The following RALGAPA1 variants were observed in gnomAD, a reference collection of about 807,000 sequenced individuals.
RALGAPA1 encodes the protein ral GTPase-activating protein subunit alpha-1.
In RALGAPA1, 52 loss-of-function variants were observed where a neutral mutation model predicts 269.6. That is an observed-to-expected ratio of 0.19 (90% CI 0.15 to 0.24). RALGAPA1 has a LOEUF of 0.24. Among genes scored for constraint, RALGAPA1 ranks in the 10% least tolerant of loss-of-function variants. The probability of loss-of-function intolerance (pLI) is 1.00; values close to 1 mark genes in which losing one functional copy is unlikely to be tolerated. For missense variants in RALGAPA1, 1,917 were observed against 3,013.9 expected, an observed-to-expected ratio of 0.64 and a Z score of 8.52; for synonymous variants, 817 against 1,008.3, an observed-to-expected ratio of 0.81 and a Z score of 3.60.
At chr14:35,715,620 G>T in intron 16 of RALGAPA1, 1 of 553,790 alleles carries the variant, frequency 1.8e-6, no homozygotes, top group Non-Finnish European at 2.3e-6. Flanking sequence ...ATTCTAATCT[G>T]TGGAATTTCT....
intron 17 of RALGAPA1, among the ~76,000 whole-genome samples, chr14:35,697,940 A>G (rs571598179): frequency 3.3e-5 from 5 of 152,348 alleles, no homozygotes; most frequent in Admixed American, 2.6e-4. Context: ...CAAGCATAAA[A>G]AACTGGCAGT....
Position 35,689,806 on chromosome 14 carries a change from G to A in RALGAPA1, c.2605C>T (p.Arg869Cys), listed in dbSNP as rs202185143. The change falls in exon 18 of 42, where the codon CGT (arginine) becomes TGT (cysteine). Residue 869 changes from arginine (R) to cysteine (C), a missense_variant. Arg to Cys is a radical substitution (Grantham distance 180, BLOSUM62 -3). This residue lies in a region of RALGAPA1 where 615 missense variants were observed against 790.0 expected (regional missense o/e 0.78). Coordinates refer to ENST00000680220, the MANE Select transcript of RALGAPA1 (RefSeq NM_001346249.2). The part of the protein sequence containing the change: ...GAVPVIDSSS[R>C]HAPSLQSSTE... ...GAACTCTGCAAGCTTGGTGCATGAC[G>A]GGATGAACTGTCAATGACAGGAACT... 2.4e-5 allele frequency: 37 copies of A among 1,566,560 alleles called. No homozygotes were observed. The Admixed American group carries it at 4.6e-4, about 19-fold the overall frequency.
rs7142261 is a variant in RALGAPA1 at position 35,775,609 on chromosome 14, C to A, written c.217+26G>T. On this transcript the variant is annotated intron_variant, in intron 2 of 41. Coordinates refer to ENST00000680220, the MANE Select transcript of RALGAPA1 (RefSeq NM_001346249.2). ...GACAATTATTAGAAATATTAACATA[C>A]GCCAAGATATATGTTAGCATCTTAC... 0.23 allele frequency: 348,549 copies of A among 1,542,844 alleles called. 52,765 individuals carry two copies. The highest frequency in any genetic ancestry group is 0.67 in the African/African-American group (47,040 of 69,752).
chr14:35,556,851 G>A (rs111897279), intron 39 of RALGAPA1, among the ~76,000 whole-genome samples: 39 of 152,262 alleles, frequency 2.6e-4, no homozygotes, highest in African/African-American at 8.9e-4. Flanking sequence ...GAAAGCTGGA[G>A]TTGAATAAAA....
intron 27 of RALGAPA1, among the ~76,000 whole-genome samples, chr14:35,661,010 C>T (rs1219882854): frequency 1.3e-5 from 2 of 152,086 alleles, no homozygotes; most frequent in African/African-American, 2.4e-5. Context: ...GTTTCAAATA[C>T]GCAGGATGAC....
intron 35 of RALGAPA1, among the ~76,000 whole-genome samples, chr14:35,619,411 C>A (rs969143789): frequency 1.3e-5 from 2 of 151,870 alleles, no homozygotes; most frequent in Non-Finnish European, 2.9e-5. Flanking sequence ...GATCTAAAAT[C>A]GACACCCTAA....
chr14:35,630,515 C>A (rs928396514), intron 33 of RALGAPA1, among the ~76,000 whole-genome samples: 5 of 152,226 alleles, frequency 3.3e-5, no homozygotes, highest in African/African-American at 1.2e-4. Flanking sequence ...CTCTTGACCC[C>A]AAGTGATCCA....
chr14:35,673,125 C>A, intron 24 of RALGAPA1, 103 bp from the exon 25 acceptor site: 1 of 1,170,384 alleles, frequency 8.5e-7, no homozygotes, highest in Non-Finnish European at 1.1e-6. Context: ...TCATTTATTT[C>A]CATGTTGGCC....
intron 21 of RALGAPA1, among the ~76,000 whole-genome samples, chr14:35,682,882 T>A (rs1380925945): frequency 6.6e-6 from 1 of 152,100 alleles, no homozygotes; most frequent in Non-Finnish European, 1.5e-5. Flanking sequence ...GTTCTTGCCA[T>A]CTGGGAAAAA....
intron 17 of RALGAPA1, among the ~76,000 whole-genome samples, chr14:35,697,239 T>C (rs2066974440): frequency 6.6e-6 from 1 of 152,240 alleles, no homozygotes; most frequent in Admixed American, 6.5e-5. Flanking sequence ...TGGTTCTCTC[T>C]GGAACCTTAA....
At chr14:35,793,254 T>TG (rs2076322255) in intron 1 of RALGAPA1, among the ~76,000 whole-genome samples, 1 of 151,698 alleles carries the variant, frequency 6.6e-6, no homozygotes. Flanking sequence ...TTTTTTTTTT[T>TG]GAGACGGAAT....
At chr14:35,785,950 T>G (rs972462746) in intron 1 of RALGAPA1, among the ~76,000 whole-genome samples, 1 of 151,770 alleles carries the variant, frequency 6.6e-6, no homozygotes, top group Non-Finnish European at 1.5e-5. Flanking sequence ...CTGAGGTGGG[T>G]GGATCACTTG....
At chr14:35,695,091 C>T (rs10149975) in intron 17 of RALGAPA1, among the ~76,000 whole-genome samples, 12,852 of 151,472 alleles carry the variant, frequency 0.085, 860 homozygotes, top group East Asian at 0.37. Context: ...AAAAAATTAA[C>T]GTAAATTATT....
At chr14:35,589,582 T>C (rs2058512810) in intron 37 of RALGAPA1, among the ~76,000 whole-genome samples, 1 of 152,182 alleles carries the variant, frequency 6.6e-6, no homozygotes, top group Non-Finnish European at 1.5e-5. Flanking sequence ...GAAATATACT[T>C]AAAACAGTCA....
intron 17 of RALGAPA1, among the ~76,000 whole-genome samples, chr14:35,697,959 C>T (rs893741274): frequency 2.0e-5 from 3 of 152,156 alleles, no homozygotes; most frequent in Non-Finnish European, 4.4e-5. Context: ...GTAAAAGCAT[C>T]TGAAGTTGTC....
At chr14:35,765,873 A>G in intron 4 of RALGAPA1, 1 of 796,354 alleles carries the variant, frequency 1.3e-6, no homozygotes, top group Non-Finnish European at 2.1e-6. Flanking sequence ...TGGATTAGGG[A>G]GCTCTACTAA....
chr14:35,758,179 G>T (rs559352298), intron 6 of RALGAPA1, among the ~76,000 whole-genome samples: 168 of 147,458 alleles, frequency 1.1e-3, no homozygotes, highest in Non-Finnish European at 1.8e-3. Flanking sequence ...GGGTGGTGGA[G>T]GTTGCAGTGA....
At chr14:35,603,001 T>C (rs1179301964) in intron 36 of RALGAPA1, among the ~76,000 whole-genome samples, 1 of 152,170 alleles carries the variant, frequency 6.6e-6, no homozygotes, top group Non-Finnish European at 1.5e-5. Context: ...AGACTATTCT[T>C]TCTCCATTGG....
chr14:35,606,966 T>C (rs2059636412), intron 35 of RALGAPA1, among the ~76,000 whole-genome samples: 1 of 152,146 alleles, frequency 6.6e-6, no homozygotes, highest in African/African-American at 2.4e-5. Context: ...TTTCAGTGCG[T>C]CAGATGTATC....
Sources: gnomAD v4.1 joint callset for allele counts (sites outside exome capture counted in the v4.1 genomes callset) on GRCh38, gnomAD v4.1.1 for gene constraint, gnomAD v4.1.1 regional missense constraint, MANE v1.5 for transcripts, NCBI Gene and HGNC (gene_info 2026-07-23, HGNC 2026-07-21) for gene names.